The following ERI1 variants were observed in gnomAD, a reference collection of about 807,000 sequenced individuals.
ERI1 encodes the protein exoribonuclease 1.
In ERI1, 39 loss-of-function variants were observed where a neutral mutation model predicts 39.7. That is an observed-to-expected ratio of 0.98 (90% CI 0.76 to 1.28). The LOEUF (loss-of-function observed/expected upper bound fraction) is 1.28, where lower values mean the gene tolerates loss of function less well. ERI1 is among the 50% of genes most tolerant of loss of function. ERI1 has a pLI of 0.00. For synonymous variants in ERI1, 204 were observed against 149.6 expected, an observed-to-expected ratio of 1.36 and a Z score of -2.65; for missense variants, 581 against 416.9, an observed-to-expected ratio of 1.39 and a Z score of -3.43.
chr8:9,025,411 A>C, intron 6 of ERI1, among the ~76,000 whole-genome samples: 1 of 152,246 alleles, frequency 6.6e-6, no homozygotes, highest in Admixed American at 6.5e-5. Flanking sequence ...GGACTTGTTC[A>C]GCTGATTCAT....
Position 9,020,532 on chromosome 8 carries a change from T to TAA in ERI1, c.807+69_807+70insAA, listed in dbSNP as rs1291882817. ...AATTTGTTAAAATTTGCATGTACGT[T>TAA]AGATTGTAATTTTCCAGGTGTTTTT... On this transcript the variant is annotated intron_variant, in intron 6 of 6. Transcript: ENST00000250263. The TAA allele has an allele frequency of 3.0e-5, 29 of 960,148 alleles. No homozygotes were observed. In the Admixed American group the frequency reaches 7.6e-4, roughly 25 times the overall value. The allele number at this position is 960,148 out of a possible 1,614,324, so 59.5% of individuals were successfully genotyped here. A position where few individuals can be genotyped will look rare whatever the true frequency, so the allele number is the denominator to read the frequency against.
chr8:9,020,921 T>C (rs1817819206), intron 6 of ERI1, among the ~76,000 whole-genome samples: 1 of 152,202 alleles, frequency 6.6e-6, no homozygotes, highest in East Asian at 1.9e-4. Flanking sequence ...GTTTTTGTTT[T>C]TGTTTTTGTT....
At chr8:9,011,773 T>A (rs1385539397) in intron 3 of ERI1, 21 bp downstream of exon 3, 1 of 1,541,574 alleles carries the variant, frequency 6.5e-7, no homozygotes, top group African/African-American at 1.4e-5. Context: ...TTTTGTATTT[T>A]AATTGTATTT....
At chr8:9,072,768 AC>A (rs1213775091) in intron 3 of ERI1, among the ~76,000 whole-genome samples, 2 of 151,982 alleles carry the variant, frequency 1.3e-5, no homozygotes, top group East Asian at 3.9e-4. Flanking sequence ...GAACAGAGTG[AC>A]CCCCCACCCC....
At chr8:9,020,491 G>A (rs372910280) in intron 6 of ERI1, 27 bp downstream of exon 6, 15 of 1,366,678 alleles carry the variant, frequency 1.1e-5, no homozygotes, top group East Asian at 7.2e-5. Flanking sequence ...TAATAATTAC[G>A]TGGTTCTTAA....
At position 9,031,238 on chromosome 8, in the gene ERI1, C is replaced by G. The variant is rs1345836975; in HGVS notation, c.*1204C>G. On this transcript the variant is annotated 3_prime_UTR_variant, in exon 7 of 7. Coordinates refer to ENST00000250263, the MANE Select transcript of ERI1 (RefSeq NM_153332.4). The stretch of plus-strand genomic sequence containing the variant: ...TATTTTATAACCAGATGAATTTCCT[C>G]AAAGGTTTCCAAACCTATATCATAT... 6.6e-6 allele frequency: 1 copy of G among 152,100 alleles called. No individual in the cohort carries two copies. The highest frequency in any genetic ancestry group is 1.9e-4 in the East Asian group (1 of 5,198). 9.4% of individuals were successfully genotyped at this position (152,100 alleles called of 1,614,324 possible).
intron 3 of ERI1, chr8:9,091,416 G>C (rs1054079900): frequency 6.6e-6 from 1 of 152,058 alleles, no homozygotes; most frequent in Non-Finnish European, 1.5e-5. Context: ...AGTTACTTGG[G>C]AGGCTGAGGC....
At chr8:9,063,218 C>T (rs1798761672) in intron 3 of ERI1, among the ~76,000 whole-genome samples, 1 of 152,066 alleles carries the variant, frequency 6.6e-6, no homozygotes, top group East Asian at 1.9e-4. Context: ...GGGTCTAGGG[C>T]TGTAAAGCGT....
intron 3 of ERI1, among the ~76,000 whole-genome samples, chr8:9,057,516 G>A (rs1798547114): frequency 6.6e-6 from 1 of 152,120 alleles, no homozygotes; most frequent in Non-Finnish European, 1.5e-5. Flanking sequence ...ACTAGTGTGT[G>A]GTTTGCAAAA....
chr8:9,016,101 C>T (rs190965835), intron 3 of ERI1, among the ~76,000 whole-genome samples: 86 of 152,296 alleles, frequency 5.6e-4, no homozygotes, highest in African/African-American at 1.9e-3. Flanking sequence ...ATCTTTCACA[C>T]ACTCACTTTA....
chr8:9,042,564 A>G lies in ERI1; in HGVS notation n.299+22100A>G, dbSNP rs552923800. On this transcript the variant is annotated intron_variant and non_coding_transcript_variant, in intron 3 of 3. Coordinates refer to the ERI1 transcript ENST00000518663. The stretch of plus-strand genomic sequence containing the variant: ...CCCTGTTCTTTGAGGAGGTAGCGTC[A>G]TTTGTCACACCGCAGGCCTTCTGGG... Among the ~76,000 whole-genome samples, 6 of 152,278 alleles carry G rather than the reference A, an allele frequency of 3.9e-5. No homozygotes were observed. The South Asian group carries it at 1.0e-3, about 26-fold the overall frequency.
downstream of ERI1, among the ~76,000 whole-genome samples, chr8:9,038,203 C>T (rs1445398599): frequency 6.6e-6 from 1 of 152,296 alleles, no homozygotes; most frequent in East Asian, 1.9e-4. Flanking sequence ...ATTCCTCTTT[C>T]TCCTGGAACT....
chr8:9,007,931 C>T (rs747052082), intron 1 of ERI1, 39 bp from the exon 2 acceptor site: 4 of 1,460,042 alleles, frequency 2.7e-6, no homozygotes, highest in Admixed American at 2.5e-5. Flanking sequence ...TTATAAACTA[C>T]ATCCTTTTTT....
At chr8:9,094,687 C>G (rs4841099) in intron 3 of ERI1, among the ~76,000 whole-genome samples, 39,909 of 151,988 alleles carry the variant, frequency 0.26, 5,488 homozygotes, top group African/African-American at 0.3. Context: ...AATGTGAGTT[C>G]CTGCTGGAGT....
At chr8:9,034,296 A>G (rs1288548895), downstream of ERI1, among the ~76,000 whole-genome samples, 10 of 152,278 alleles carry the variant, frequency 6.6e-5, no homozygotes, top group Non-Finnish European at 1.0e-4. Flanking sequence ...TTGTGGAGCC[A>G]CAAGGCATGC....
intron 4 of ERI1, 117 bp downstream of exon 4, chr8:9,016,522 G>C: frequency 2.3e-6 from 1 of 443,918 alleles, no homozygotes; most frequent in Non-Finnish European, 3.8e-6. Flanking sequence ...ACCTTGCTTG[G>C]TAAAGATCTT....
intron 3 of ERI1, among the ~76,000 whole-genome samples, chr8:9,071,493 C>T (rs530741179): frequency 7.9e-5 from 12 of 152,166 alleles, no homozygotes; most frequent in Non-Finnish European, 1.5e-4. Flanking sequence ...AAATATAAGT[C>T]TTGTAAATGA....
chr8:9,007,168 C>G (rs1400341723), intron 1 of ERI1, among the ~76,000 whole-genome samples: 3 of 152,136 alleles, frequency 2.0e-5, no homozygotes, highest in African/African-American at 7.2e-5. Flanking sequence ...TTTTTCTTAA[C>G]AGATTTTTAT....
intron 3 of ERI1, among the ~76,000 whole-genome samples, chr8:9,053,475 G>T (rs1353883798): frequency 3.3e-5 from 5 of 152,072 alleles, no homozygotes; most frequent in Non-Finnish European, 7.4e-5. Context: ...CCAGCCACTA[G>T]CCCCATACCT....
Sources: gnomAD v4.1 joint callset for allele counts (sites outside exome capture counted in the v4.1 genomes callset) on GRCh38, gnomAD v4.1.1 for gene constraint, MANE v1.5 for transcripts, NCBI Gene and HGNC (gene_info 2026-07-23, HGNC 2026-07-21) for gene names.